Variants in CARMIL1 observed in about 807,000 individuals in gnomAD.
CARMIL1 encodes F-actin-uncapping protein LRRC16A.
In CARMIL1, 90 loss-of-function variants were observed where a neutral mutation model predicts 177.1. The ratio of observed to expected loss-of-function variants is 0.51; its 90% CI spans 0.43 to 0.61. The LOEUF is 0.61. Ranked by LOEUF, CARMIL1 falls within the 20% of genes least tolerant of loss-of-function variation. The pLI is 0.00. For synonymous variants in CARMIL1, 577 were observed against 606.2 expected (o/e 0.95, Z 0.71); for missense variants, 1,380 against 1,667.0 (o/e 0.83, Z 3.00).
At chr6:25,569,635 C>T (rs73395757) in intron 29 of CARMIL1, among the ~76,000 whole-genome samples, 1 of 152,254 alleles carries the variant, frequency 6.6e-6, no homozygotes, top group African/African-American at 2.4e-5. Flanking sequence ...TTGTTAACTA[C>T]TAATTTTTGT....
At chr6:25,454,586 A>G (rs1006956978) in intron 8 of CARMIL1, among the ~76,000 whole-genome samples, 9 of 152,204 alleles carry the variant, frequency 5.9e-5, no homozygotes, top group African/African-American at 1.9e-4. Context: ...AAATATTACT[A>G]TGGTAGTCTT....
rs1243663740 is a variant in CARMIL1, at chr6:25,553,396, A to G, written c.2505-613A>G. Among the ~76,000 whole-genome samples the G allele has an allele frequency of 2.0e-5, 3 of 152,204 alleles. No homozygotes were observed. In the East Asian group the frequency reaches 5.8e-4, roughly 29 times the overall value. ...CTGGGTCTGTTTATTAGTAAAAACA[A>G]CAAGCCACTTTTTGCTGTGTGGACA... On this transcript the variant is annotated intron_variant, in intron 27 of 36. Transcript: ENST00000329474.
intron 26 of CARMIL1, among the ~76,000 whole-genome samples, chr6:25,541,165 C>T (rs1292450735): frequency 6.6e-6 from 1 of 152,080 alleles, no homozygotes; most frequent in Non-Finnish European, 1.5e-5. Context: ...ATGACTTACT[C>T]TTTGTGAAAT....
intron 2 of CARMIL1, among the ~76,000 whole-genome samples, chr6:25,385,594 C>CT (rs1258415240): frequency 6.6e-6 from 1 of 152,138 alleles, no homozygotes; most frequent in Non-Finnish European, 1.5e-5. Context: ...ATAGTAGTAG[C>CT]TTTTTTGGGA....
chr6:25,447,363 C>T (rs1798332632), intron 5 of CARMIL1, among the ~76,000 whole-genome samples: 1 of 152,138 alleles, frequency 6.6e-6, no homozygotes, highest in African/African-American at 2.4e-5. Context: ...AACCAGGCAA[C>T]CTCCCAGGCC....
intron 5 of CARMIL1, among the ~76,000 whole-genome samples, chr6:25,448,416 T>G (rs1798445562): frequency 6.6e-6 from 1 of 152,196 alleles, no homozygotes; most frequent in Non-Finnish European, 1.5e-5. Flanking sequence ...ATGGGCTTTC[T>G]CATCTTTGGG....
intron 2 of CARMIL1, among the ~76,000 whole-genome samples, chr6:25,297,506 C>T (rs1211573724): frequency 6.6e-6 from 1 of 152,196 alleles, no homozygotes; most frequent in Non-Finnish European, 1.5e-5. Context: ...TGGGTCTTCT[C>T]TGTTCAATAT....
rs151240013 is a variant in CARMIL1, at chr6:25,550,501, C to A, written c.2329-409C>A. On this transcript the variant is annotated intron_variant, in intron 26 of 36. Coordinates refer to ENST00000329474, the MANE Select transcript of CARMIL1 (RefSeq NM_017640.6). Reference sequence around the variant, plus strand: ...TGATTTGCAGAATCTCAGAAGCATTCAAATATGATATATTTTCTAGGGTTA... The same window carrying A: ...TGATTTGCAGAATCTCAGAAGCATTAAAATATGATATATTTTCTAGGGTTA... 9.1e-3 allele frequency among the ~76,000 whole-genome samples: 1,381 copies of A among 152,226 alleles called. 20 individuals are homozygous for A. Among genetic ancestry groups the A allele is most frequent in the Non-Finnish European group, 0.01 (690 of 68,016 alleles).
intron 1 of CARMIL1, among the ~76,000 whole-genome samples, chr6:25,280,708 C>G (rs1294246783): frequency 6.6e-6 from 1 of 151,742 alleles, no homozygotes; most frequent in Non-Finnish European, 1.5e-5. Context: ...GAAAACCTAG[C>G]GTTTAAGCAT....
At chr6:25,575,634 T>C (rs1473538207) in intron 29 of CARMIL1, among the ~76,000 whole-genome samples, 1 of 152,198 alleles carries the variant, frequency 6.6e-6, no homozygotes, top group Non-Finnish European at 1.5e-5. Context: ...TATTTTTACT[T>C]TTTCTCCTTT....
chr6:25,403,709 A>G (rs1455519974), intron 2 of CARMIL1, among the ~76,000 whole-genome samples: 5 of 152,070 alleles, frequency 3.3e-5, no homozygotes, highest in African/African-American at 1.2e-4. Flanking sequence ...ACCTCACTTC[A>G]TAATTACGTC....
chr6:25,434,126 T>C (rs1451997116), intron 4 of CARMIL1, among the ~76,000 whole-genome samples: 1 of 152,166 alleles, frequency 6.6e-6, no homozygotes, highest in African/African-American at 2.4e-5. Context: ...GGTCTTGAAC[T>C]CCTAGGCTCA....
chr6:25,551,877 A>G (rs551163889), intron 27 of CARMIL1, among the ~76,000 whole-genome samples: 8 of 152,150 alleles, frequency 5.3e-5, no homozygotes, highest in Non-Finnish European at 1.0e-4. Flanking sequence ...CTAACACACA[A>G]TGATACAGCT....
In CARMIL1 at chr6:25,577,054, A is replaced by G. The variant is rs1812655206; in HGVS notation, c.2743-3870A>G. The G allele has an allele frequency of 2.0e-6, 2 of 985,160 alleles. No individual in the cohort carries two copies. The highest frequency in any genetic ancestry group is 2.4e-6 in the Non-Finnish European group (2 of 829,880). The allele number at this position is 985,160 out of a possible 1,614,324, so 61.0% of individuals were successfully genotyped here. On this transcript the variant is annotated intron_variant, in intron 29 of 36. Transcript: ENST00000329474. This position sits in a 1 kb window ranked among gnomAD's most constrained non-coding sequence, Gnocchi z 4.5. The stretch of plus-strand genomic sequence containing the variant: ...GTACTACTTTATATTCTTGTGCTCC[A>G]TTTGCTTCTGTGCTGCCTGGCTGGT...
At chr6:25,286,038 A>C (rs1251759480) in intron 2 of CARMIL1, among the ~76,000 whole-genome samples, 19 of 149,684 alleles carry the variant, frequency 1.3e-4, no homozygotes, top group Admixed American at 1.2e-3. Context: ...TGCCCAGCTA[A>C]TTTTGTTTAT....
chr6:25,397,730 A>G (rs1277055481), intron 2 of CARMIL1, among the ~76,000 whole-genome samples: 1 of 152,054 alleles, frequency 6.6e-6, no homozygotes, highest in African/African-American at 2.4e-5. Context: ...ACTCTAGTAT[A>G]GTTTCTTCCT....
intron 2 of CARMIL1, among the ~76,000 whole-genome samples, chr6:25,328,475 C>A (rs1785320882): frequency 6.6e-6 from 1 of 152,114 alleles, no homozygotes; most frequent in African/African-American, 2.4e-5. Context: ...AGCTTCCTTT[C>A]TACTTGGATA....
At chr6:25,439,229 T>C (rs1439490247) in intron 5 of CARMIL1, among the ~76,000 whole-genome samples, 1 of 152,188 alleles carries the variant, frequency 6.6e-6, no homozygotes, top group Non-Finnish European at 1.5e-5. Context: ...ATGTGGAATT[T>C]GAGATCTATT....
At chr6:25,472,287 A>G (rs537651697) in intron 10 of CARMIL1, 140 bp from the exon 11 acceptor site, 1 of 601,916 alleles carries the variant, frequency 1.7e-6, no homozygotes, top group Non-Finnish European at 2.9e-6. Flanking sequence ...GTTAATGGGT[A>G]TTAAGAAATA....
Sources: allele counts gnomAD v4.1 joint callset (sites outside exome capture counted in the v4.1 genomes callset), GRCh38; gene constraint gnomAD v4.1.1; non-coding constraint Gnocchi (gnomAD v3.1); transcripts MANE v1.5; gene names NCBI Gene and HGNC (gene_info 2026-07-23, HGNC 2026-07-21).